TRIO: variants seen among roughly 807,000 people sequenced by gnomAD.
TRIO encodes the protein trio Rho guanine nucleotide exchange factor.
In TRIO, 58 loss-of-function variants were observed where a neutral mutation model predicts 351.9. That is an observed-to-expected ratio of 0.16 (90% confidence interval 0.13 to 0.21). The LOEUF is 0.21. Among genes scored for constraint, TRIO ranks in the 10% least tolerant of loss-of-function variants. The pLI is 1.00. For synonymous variants in TRIO, 1,758 were observed against 1,595.7 expected, an observed-to-expected ratio of 1.10 and a Z score of -2.42; for missense variants, 3,201 against 4,027.8, an observed-to-expected ratio of 0.79 and a Z score of 5.56.
intron 46 of TRIO, among the ~76,000 whole-genome samples, chr5:14,484,562 C>T (rs184157575): frequency 6.6e-6 from 1 of 152,346 alleles, no homozygotes; most frequent in African/African-American, 2.4e-5. Context: ...ATGAACTTCA[C>T]TTTGCACTTG....
At chr5:14,164,430 A>G (rs1398076848) in intron 1 of TRIO, among the ~76,000 whole-genome samples, 1 of 152,212 alleles carries the variant, frequency 6.6e-6, no homozygotes, top group African/African-American at 2.4e-5. Context: ...TTACCTGGGT[A>G]TTGAATTGCA....
intron 1 of TRIO, among the ~76,000 whole-genome samples, chr5:14,192,491 C>T (rs1170107833): frequency 2.0e-5 from 3 of 152,094 alleles, no homozygotes; most frequent in Non-Finnish European, 4.4e-5. Flanking sequence ...CCAGGTTGGT[C>T]TCGAGTCCCT....
intron 1 of TRIO, among the ~76,000 whole-genome samples, chr5:14,168,434 A>G (rs762964743): frequency 1.3e-4 from 20 of 152,240 alleles, no homozygotes; most frequent in Admixed American, 2.0e-4. Flanking sequence ...GAGATTCCCA[A>G]GTGGATCTGG....
At chr5:14,413,818 A>C (rs1209707492) in intron 33 of TRIO, among the ~76,000 whole-genome samples, 1 of 152,244 alleles carries the variant, frequency 6.6e-6, no homozygotes, top group Non-Finnish European at 1.5e-5. Flanking sequence ...TAAATTTTAC[A>C]CAACATGATC....
chr5:14,296,561 T>A (rs777422511), intron 6 of TRIO, among the ~76,000 whole-genome samples: 8 of 152,226 alleles, frequency 5.3e-5, no homozygotes, highest in African/African-American at 1.4e-4. Flanking sequence ...ATTTACAGAA[T>A]ATTTTCTGTT....
intron 1 of TRIO, among the ~76,000 whole-genome samples, chr5:14,251,758 A>T (rs1794759238): frequency 6.6e-6 from 1 of 152,132 alleles, no homozygotes; most frequent in Non-Finnish European, 1.5e-5. Flanking sequence ...TGCAGAGGGA[A>T]GGTGTGAGGA....
chr5:14,198,417 G>C (rs1391594047), intron 1 of TRIO, among the ~76,000 whole-genome samples: 1 of 152,144 alleles, frequency 6.6e-6, no homozygotes, highest in Non-Finnish European at 1.5e-5. Flanking sequence ...AGTTTTAGAG[G>C]TTGAAGAGCA....
chr5:14,430,186 CT>C (rs201941288), intron 34 of TRIO, among the ~76,000 whole-genome samples: 76 of 90,664 alleles, frequency 8.4e-4, no homozygotes, highest in Admixed American at 3.2e-3. Context: ...TATTTGCGTG[CT>C]TTTTTTTTTA....
intron 33 of TRIO, among the ~76,000 whole-genome samples, chr5:14,408,353 G>A (rs1748904208): frequency 6.6e-6 from 1 of 151,836 alleles, no homozygotes; most frequent in Admixed American, 6.6e-5. Flanking sequence ...ATACTTTTTG[G>A]GTTCACTAAA....
At chr5:14,494,542 G>C (rs1033956909) in intron 49 of TRIO, among the ~76,000 whole-genome samples, 2 of 152,240 alleles carry the variant, frequency 1.3e-5, no homozygotes, top group Non-Finnish European at 2.9e-5. Flanking sequence ...TGCCTGCTAA[G>C]ACAATATCCA....
chr5:14,430,595 C>T (rs570831405), intron 34 of TRIO, among the ~76,000 whole-genome samples: 2 of 152,332 alleles, frequency 1.3e-5, no homozygotes, highest in South Asian at 4.1e-4. Context: ...CTGTTGATGG[C>T]TCTCCTAGTG....
chr5:14,187,787 TTAAAG>T (rs143775294), intron 1 of TRIO, among the ~76,000 whole-genome samples: 6,564 of 152,272 alleles, frequency 0.043, 473 homozygotes, highest in African/African-American at 0.15. Context: ...TTCCTCATTA[TTAAAG>T]TAATGTATTT....
At chr5:14,169,187 A>G (rs1420481088) in intron 1 of TRIO, among the ~76,000 whole-genome samples, 1 of 141,734 alleles carries the variant, frequency 7.1e-6, no homozygotes, top group Non-Finnish European at 1.5e-5. Context: ...TTAATGGGCA[A>G]TAAAACTGCC....
chr5:14,157,608 G>A (rs1202470118), intron 1 of TRIO, among the ~76,000 whole-genome samples: 1 of 147,214 alleles, frequency 6.8e-6, no homozygotes, highest in Non-Finnish European at 1.5e-5. Flanking sequence ...TCTTTCTTTC[G>A]AGACAGGGTC....
At position 14,187,675 on chromosome 5, in the gene TRIO, G is replaced by A. The variant is rs970740951; in HGVS notation, c.157+43793G>A. Among the ~76,000 whole-genome samples the A allele has an allele frequency of 1.3e-5, 2 of 152,196 alleles. 1 individual carries two copies. Among genetic ancestry groups the A allele is most frequent in the Admixed American group, 1.3e-4 (2 of 15,284 alleles). On this transcript the variant is annotated intron_variant, in intron 1 of 56. Coordinates refer to ENST00000344204, the MANE Select transcript of TRIO (RefSeq NM_007118.4). The stretch of plus-strand genomic sequence containing the variant: ...TTGACATGTGCATTTTTAAGTAGAT[G>A]CCACATAAAAGTCCAATTAAGTAAA...
chr5:14,420,069 C>A, intron 34 of TRIO, 48 bp downstream of exon 34: 1 of 1,587,520 alleles, frequency 6.3e-7, no homozygotes, highest in Non-Finnish European at 8.6e-7. Flanking sequence ...GGAAGTGGCC[C>A]TGGAGCGCTC....
intron 2 of TRIO, among the ~76,000 whole-genome samples, chr5:14,279,948 T>G (rs1406039217): frequency 6.6e-6 from 1 of 152,052 alleles, no homozygotes; most frequent in Non-Finnish European, 1.5e-5. Context: ...TGGGGAAAAA[T>G]GTGGGGGAGA....
chr5:14,403,080 G>A (rs1307854657), intron 31 of TRIO, among the ~76,000 whole-genome samples: 1 of 150,328 alleles, frequency 6.7e-6, no homozygotes, highest in Non-Finnish European at 1.5e-5. Flanking sequence ...TTGTGGTGAG[G>A]GTACAGGTTG....
chr5:14,337,126 C>G (rs186262961), intron 11 of TRIO, among the ~76,000 whole-genome samples: 2 of 152,128 alleles, frequency 1.3e-5, no homozygotes, highest in Admixed American at 6.5e-5. Context: ...TGCTAGTAAA[C>G]GTGAGTGTTA....
Sources: gnomAD v4.1 joint callset for allele counts (sites outside exome capture counted in the v4.1 genomes callset) on GRCh38, gnomAD v4.1.1 for gene constraint, MANE v1.5 for transcripts, NCBI Gene and HGNC (gene_info 2026-07-23, HGNC 2026-07-21) for gene names.